DCAF8L2: variants seen among roughly 807,000 people sequenced by gnomAD.
The protein encoded by DCAF8L2 is DDB1- and CUL4-associated factor 8-like protein 2.
For synonymous variants in DCAF8L2, 200 were observed against 190.9 expected (o/e 1.05, Z -0.39); for missense variants, 430 against 490.7 (o/e 0.88, Z 1.17).
chrX:27,548,423 G>C, the DCAF8L2 span, among the ~76,000 whole-genome samples: 1 of 111,581 alleles, frequency 9.0e-6, no homozygotes, highest in African/African-American at 3.3e-5. Flanking sequence ...TTTAGCCAAA[G>C]AAGAGTTATT....
chrX:27,635,017 G>A (rs1421588869), intron 2 of DCAF8L2, among the ~76,000 whole-genome samples: 1 of 107,351 alleles, frequency 9.3e-6, no homozygotes, highest in Admixed American at 1.0e-4. Context: ...GAGAGAGAGA[G>A]CTCTTAGAAT....
chrX:27,578,378 A>G, the DCAF8L2 span, among the ~76,000 whole-genome samples: 1 of 111,572 alleles, frequency 9.0e-6, no homozygotes, highest in Non-Finnish European at 1.9e-5. Context: ...TTGAAACTGG[A>G]CCCCTTCCTT....
chrX:27,469,634 T>G, the DCAF8L2 span, among the ~76,000 whole-genome samples: 2 of 111,784 alleles, frequency 1.8e-5, no homozygotes, highest in Non-Finnish European at 3.8e-5. Flanking sequence ...AAACAAAAAT[T>G]TCATGATAAA....
At chrX:27,471,910 TAAA>T in the DCAF8L2 span, among the ~76,000 whole-genome samples, 6 of 110,043 alleles carry the variant, frequency 5.5e-5, no homozygotes, top group Non-Finnish European at 9.4e-5. Flanking sequence ...CATTTCATGA[TAAA>T]AAATTCAATT....
intron 3 of DCAF8L2, among the ~76,000 whole-genome samples, chrX:27,696,110 A>G (rs1229500121): frequency 9.3e-6 from 1 of 107,912 alleles, no homozygotes; most frequent in Non-Finnish European, 1.9e-5. Context: ...GAGGCAGGAT[A>G]ATCGCTTGAA....
the DCAF8L2 span, among the ~76,000 whole-genome samples, chrX:27,522,429 A>T: frequency 8.0e-4 from 90 of 112,046 alleles, 1 homozygote; most frequent in African/African-American, 2.6e-3. Context: ...TCTTTCTGTT[A>T]TTGTTATAAT....
chrX:27,551,055 G>A, the DCAF8L2 span, among the ~76,000 whole-genome samples: 2 of 109,977 alleles, frequency 1.8e-5, no homozygotes, highest in African/African-American at 6.6e-5. Flanking sequence ...ATAAGACAAT[G>A]AACTTAATAA....
rs1929741243 is a variant in DCAF8L2, at chrX:27,666,340, T to C, written c.-219-11496T>C. 3.6e-5 allele frequency among the ~76,000 whole-genome samples: 4 copies of C among 111,999 alleles called. No homozygotes were observed. The South Asian group carries it at 1.5e-3, about 41-fold the overall frequency. On this transcript the variant is annotated intron_variant, in intron 2 of 4. Coordinates refer to ENST00000451261, the MANE Select transcript of DCAF8L2 (RefSeq NM_001353450.2). ...GGGAGGTTTATTTCACAAATGTTTC[T>C]TCTGGAAAGGCCAATATTATATTTG...
chrX:27,553,139 A>C, the DCAF8L2 span, among the ~76,000 whole-genome samples: 261 of 111,969 alleles, frequency 2.3e-3, no homozygotes, highest in African/African-American at 8.1e-3. Flanking sequence ...TACTGAATTC[A>C]TTTGTTAGTT....
chrX:27,482,359 G>A, the DCAF8L2 span, among the ~76,000 whole-genome samples: 1 of 111,289 alleles, frequency 9.0e-6, no homozygotes, highest in African/African-American at 3.3e-5. Context: ...CCAAACTTAA[G>A]TGCTCAGAAA....
intron 3 of DCAF8L2, among the ~76,000 whole-genome samples, chrX:27,704,501 TG>T (rs1931274209): frequency 9.1e-6 from 1 of 110,157 alleles, no homozygotes; most frequent in Non-Finnish European, 1.9e-5. Context: ...GAATTGTGAT[TG>T]CCAGGTATGA....
the DCAF8L2 span, among the ~76,000 whole-genome samples, chrX:27,516,512 TCTTA>T: frequency 1.8e-5 from 2 of 109,067 alleles, no homozygotes; most frequent in African/African-American, 6.7e-5. Flanking sequence ...TCTCTCTCTC[TCTTA>T]TTCTCTCTCT....
intron 4 of DCAF8L2, among the ~76,000 whole-genome samples, chrX:27,729,253 A>T (rs1921047903): frequency 9.0e-6 from 1 of 111,583 alleles, no homozygotes; most frequent in East Asian, 2.8e-4. Flanking sequence ...CTAGTGAGGT[A>T]TAATTTGTAT....
intron 4 of DCAF8L2, among the ~76,000 whole-genome samples, chrX:27,737,366 C>T (rs1921588649): frequency 9.0e-6 from 1 of 111,663 alleles, no homozygotes; most frequent in Admixed American, 9.6e-5. Context: ...TCTCTCCTCC[C>T]TCCTGTCACA....
chrX:27,559,627 C>T, the DCAF8L2 span, among the ~76,000 whole-genome samples: 1 of 112,007 alleles, frequency 8.9e-6, no homozygotes, highest in Admixed American at 9.5e-5. Context: ...CCACCTCTGC[C>T]ACCGTGGCTA....
At chrX:27,484,492 T>C in the DCAF8L2 span, among the ~76,000 whole-genome samples, 5 of 110,701 alleles carry the variant, frequency 4.5e-5, no homozygotes, top group Non-Finnish European at 7.6e-5. Context: ...CCTAAGTTGA[T>C]GGTCAAAGAC....
intron 4 of DCAF8L2, among the ~76,000 whole-genome samples, chrX:27,746,416 A>G (rs902789308): frequency 8.9e-6 from 1 of 112,308 alleles, no homozygotes; most frequent in African/African-American, 3.2e-5. Flanking sequence ...TGGGACACTT[A>G]GCTGACTTTT....
At chrX:27,739,596 T>G (rs983948000) in intron 4 of DCAF8L2, among the ~76,000 whole-genome samples, 1 of 111,837 alleles carries the variant, frequency 8.9e-6, no homozygotes, top group Non-Finnish European at 1.9e-5. Flanking sequence ...ACTTCTAAAT[T>G]TATATCTATA....
At chrX:27,524,421 T>C in the DCAF8L2 span, among the ~76,000 whole-genome samples, 1 of 111,893 alleles carries the variant, frequency 8.9e-6, no homozygotes. Context: ...TTTCTCTCTT[T>C]TCTTTTTTAT....
Sources: allele counts gnomAD v4.1 joint callset (sites outside exome capture counted in the v4.1 genomes callset), GRCh38; gene constraint gnomAD v4.1.1; transcripts MANE v1.5; gene names NCBI Gene and HGNC (gene_info 2026-07-23, HGNC 2026-07-21).